TXLNB: variants seen among roughly 807,000 people sequenced by gnomAD.
TXLNB encodes the protein taxilin beta, also known as beta-taxilin.
Under a neutral mutation model 57.4 loss-of-function variants are expected in TXLNB, and 37 were observed. The ratio of observed to expected loss-of-function variants is 0.64; its 90% CI spans 0.50 to 0.85. The LOEUF is 0.85. Ranked by LOEUF, TXLNB falls within the 40% of genes least tolerant of loss-of-function variation. The probability of loss-of-function intolerance (pLI) is 0.00; values close to 1 mark genes in which losing one functional copy is unlikely to be tolerated. For missense variants in TXLNB, 848 were observed against 825.6 expected (o/e 1.03, Z -0.33); for synonymous variants, 302 against 309.6 (o/e 0.98, Z 0.26).
the TXLNB span, among the ~76,000 whole-genome samples, chr6:139,297,246 T>G: frequency 7.2e-5 from 11 of 152,188 alleles, no homozygotes; most frequent in Admixed American, 2.0e-4. Flanking sequence ...ACTGGTGAAT[T>G]TTATAGAAGA....
chr6:139,304,456 C>T, the TXLNB span, among the ~76,000 whole-genome samples: 3 of 152,116 alleles, frequency 2.0e-5, no homozygotes, highest in Non-Finnish European at 4.4e-5. Context: ...AAAAGGCAAT[C>T]AGTACCACGA....
At chr6:139,239,438 T>C (rs1775874448), downstream of TXLNB, 1 of 152,328 alleles carries the variant, frequency 6.6e-6, no homozygotes, top group Admixed American at 6.5e-5. The surrounding 1 kb of genome is among the most constrained non-coding windows in gnomAD (Gnocchi z 4.7). Context: ...GGGTTTTGTT[T>C]TCTTATTAGC....
intron 7 of TXLNB, among the ~76,000 whole-genome samples, chr6:139,253,481 C>T (rs757087743): frequency 1.3e-5 from 2 of 151,936 alleles, no homozygotes; most frequent in African/African-American, 2.4e-5. Flanking sequence ...GTCATTGATT[C>T]ATTATAGCAT....
the TXLNB span, among the ~76,000 whole-genome samples, chr6:139,297,250 T>C: frequency 6.6e-6 from 1 of 152,208 alleles, no homozygotes; most frequent in Non-Finnish European, 1.5e-5. Flanking sequence ...GTGAATTTTA[T>C]AGAAGAAAGA....
At chr6:139,202,189 A>T in the TXLNB span, among the ~76,000 whole-genome samples, 1 of 152,212 alleles carries the variant, frequency 6.6e-6, no homozygotes. Context: ...GTGGTTGTAC[A>T]TTCTTTTCTA....
intron 2 of TXLNB, among the ~76,000 whole-genome samples, chr6:139,281,124 C>T (rs1197218527): frequency 6.6e-6 from 1 of 151,850 alleles, no homozygotes; most frequent in African/African-American, 2.4e-5. Flanking sequence ...TTTAATTTCC[C>T]TGTCTATAAA....
At chr6:139,247,130 A>G (rs921417108) in intron 8 of TXLNB, among the ~76,000 whole-genome samples, 1 of 152,046 alleles carries the variant, frequency 6.6e-6, no homozygotes, top group Admixed American at 6.6e-5. Context: ...TATTCATATA[A>G]AAGTTTTTTG....
At chr6:139,323,626 G>T in the TXLNB span, among the ~76,000 whole-genome samples, 6 of 152,162 alleles carry the variant, frequency 3.9e-5, no homozygotes, top group Non-Finnish European at 8.8e-5. Context: ...AAAGAAACAT[G>T]TGGACCTGGG....
the TXLNB span, among the ~76,000 whole-genome samples, chr6:139,302,907 C>T: frequency 6.6e-6 from 1 of 152,058 alleles, no homozygotes; most frequent in African/African-American, 2.4e-5. Context: ...ATAAGTGATA[C>T]AAATTCAGAT....
chr6:139,255,656 G>C lies in TXLNB; in HGVS notation c.1003-18C>G. The C allele has an allele frequency of 1.2e-6, 2 of 1,606,888 alleles. No homozygotes were observed. Among genetic ancestry groups the C allele is most frequent in the Non-Finnish European group, 8.5e-7 (1 of 1,174,480 alleles). On this transcript the variant is annotated intron_variant, in intron 6 of 9. Transcript: ENST00000358430. ...TTCAGCAACTATGAGAAGAGAGAGT[G>C]TGTGGAAAGATGGTCAGATTTGCCT...
At chr6:139,238,222 C>G (rs1195429611), downstream of TXLNB, among the ~76,000 whole-genome samples, 1 of 151,900 alleles carries the variant, frequency 6.6e-6, no homozygotes, top group South Asian at 2.1e-4. Flanking sequence ...GGTGAAACCC[C>G]GTCTCTACTA....
chr6:139,290,684 G>A (rs760704403), intron 1 of TXLNB, among the ~76,000 whole-genome samples: 4 of 152,156 alleles, frequency 2.6e-5, no homozygotes, highest in Non-Finnish European at 4.4e-5. Flanking sequence ...TTCTAGAGTT[G>A]CAATAGATTT....
At chr6:139,190,503 G>A in the TXLNB span, among the ~76,000 whole-genome samples, 1 of 151,952 alleles carries the variant, frequency 6.6e-6, no homozygotes, top group Non-Finnish European at 1.5e-5. Context: ...TAGAGACGGG[G>A]TTTCACCACA....
At chr6:139,216,258 ATG>A in the TXLNB span, among the ~76,000 whole-genome samples, 2 of 151,580 alleles carry the variant, frequency 1.3e-5, no homozygotes, top group Non-Finnish European at 2.9e-5. Context: ...GATTAAGAAA[ATG>A]TGGCACATAT....
the TXLNB span, chr6:139,169,823 C>A: frequency 6.6e-6 from 1 of 152,200 alleles, no homozygotes; most frequent in Non-Finnish European, 1.5e-5. Flanking sequence ...ACTCCTGTCA[C>A]ATTTTGTTCA....
the TXLNB span, among the ~76,000 whole-genome samples, chr6:139,196,364 G>GTT: frequency 5.8e-5 from 5 of 86,770 alleles, no homozygotes; most frequent in African/African-American, 1.4e-4. Flanking sequence ...CTCCAGATCT[G>GTT]GTTTTTTTTT....
At chr6:139,304,612 G>A in the TXLNB span, among the ~76,000 whole-genome samples, 1 of 152,200 alleles carries the variant, frequency 6.6e-6, no homozygotes, top group African/African-American at 2.4e-5. Flanking sequence ...AGACAAAAAT[G>A]AATGCAAACA....
chr6:139,223,694 A>T, the TXLNB span, among the ~76,000 whole-genome samples: 2 of 152,006 alleles, frequency 1.3e-5, no homozygotes, highest in African/African-American at 2.4e-5. Flanking sequence ...CACATGAAAA[A>T]ATGCTCACCA....
At chr6:139,159,431 A>T in the TXLNB span, among the ~76,000 whole-genome samples, 1 of 152,138 alleles carries the variant, frequency 6.6e-6, no homozygotes, top group Non-Finnish European at 1.5e-5. Context: ...TGGAACCGGG[A>T]CTTACACATA....
Sources: gnomAD v4.1 joint callset for allele counts (sites outside exome capture counted in the v4.1 genomes callset) on GRCh38, gnomAD v4.1.1 for gene constraint, Gnocchi (gnomAD v3.1) non-coding constraint, MANE v1.5 for transcripts, NCBI Gene and HGNC (gene_info 2026-07-23, HGNC 2026-07-21) for gene names.